Variants in TAF4B observed in about 807,000 individuals in gnomAD.
The protein encoded by TAF4B is transcription initiation factor TFIID subunit 4B.
Under a neutral mutation model 86.4 loss-of-function variants are expected in TAF4B, and 38 were observed. The observed-to-expected ratio is 0.44, with a 90% CI of 0.34 to 0.58. The LOEUF (loss-of-function observed/expected upper bound fraction) is 0.58, where lower values mean the gene tolerates loss of function less well. Ranked by LOEUF, TAF4B falls within the 20% of genes least tolerant of loss-of-function variation. The pLI is 0.02. For missense variants in TAF4B, 988 were observed against 1,027.6 expected, an observed-to-expected ratio of 0.96 and a Z score of 0.53; for synonymous variants, 388 against 391.2, an observed-to-expected ratio of 0.99 and a Z score of 0.10.
In TAF4B at chr18:26,365,002, C is replaced by CTTT. The variant is rs1236686001; in HGVS notation, c.2421+7228_2421+7230dup. ...TAAAGTGCTACTCTATAATTCTATTCTTTTTTTTTTTTTTTTTTTTTTGAG... is the reference window on the plus strand; with the variant it reads ...TAAAGTGCTACTCTATAATTCTATTCTTTTTTTTTTTTTTTTTTTTTTTTTGAG... On this transcript the variant is annotated intron_variant, in intron 14 of 14. Coordinates refer to ENST00000269142, the MANE Select transcript of TAF4B (RefSeq NM_005640.3). 2.4e-3 allele frequency among the ~76,000 whole-genome samples: 264 copies of CTTT among 109,156 alleles called. 1 individual carries two copies. Among genetic ancestry groups the CTTT allele is most frequent in the African/African-American group, 5.1e-3 (141 of 27,914 alleles). The allele number at this position is 109,156 out of a possible 152,430, so 71.6% of individuals were successfully genotyped here.
chr18:26,258,987 C>T lies in TAF4B; in HGVS notation c.344-6183C>T, dbSNP rs555057177. Among the ~76,000 whole-genome samples the T allele has an allele frequency of 2.0e-3, 311 of 152,036 alleles. 2 individuals carry two copies. Among genetic ancestry groups the T allele is most frequent in the African/African-American group, 7.3e-3 (303 of 41,476 alleles). ...GTGCTGGGATTACAAGTCACTGTGC[C>T]AGCCTGTTTTTAAATTTTAAATGTC... On this transcript the variant is annotated intron_variant, in intron 1 of 14. Transcript: ENST00000269142.
At chr18:26,314,497 A>AT (rs2056882530) in intron 9 of TAF4B, among the ~76,000 whole-genome samples, 1 of 152,172 alleles carries the variant, frequency 6.6e-6, no homozygotes, top group African/African-American at 2.4e-5. Flanking sequence ...GTATATGTAC[A>AT]TGAGTGTGTT....
intron 14 of TAF4B, among the ~76,000 whole-genome samples, chr18:26,384,682 A>G (rs1978314705): frequency 2.0e-5 from 3 of 152,242 alleles, no homozygotes; most frequent in Admixed American, 2.0e-4. Flanking sequence ...CTAGAATTAC[A>G]CTGTTTCCTG....
intron 5 of TAF4B, among the ~76,000 whole-genome samples, chr18:26,276,434 G>T (rs1016324926): frequency 2.0e-5 from 3 of 152,082 alleles, no homozygotes; most frequent in Non-Finnish European, 4.4e-5. Flanking sequence ...ATAATATACA[G>T]ATTTCTCTCA....
chr18:26,237,660 T>C (rs2055769511), intron 1 of TAF4B, among the ~76,000 whole-genome samples: 2 of 152,158 alleles, frequency 1.3e-5, no homozygotes, highest in Admixed American at 6.5e-5. Flanking sequence ...TTGTGAATTA[T>C]CCTTCAATGA....
At chr18:26,356,167 G>T (rs940863441) in intron 13 of TAF4B, among the ~76,000 whole-genome samples, 1 of 152,074 alleles carries the variant, frequency 6.6e-6, no homozygotes, top group Non-Finnish European at 1.5e-5. Flanking sequence ...GCCTACTTGC[G>T]CACTATGTTC....
Position 26,286,017 on chromosome 18 carries a change from A to G in TAF4B, c.1108A>G (p.Thr370Ala). 1 of 1,614,222 alleles carries G rather than the reference A, an allele frequency of 6.2e-7. No homozygotes were observed. The highest frequency in any genetic ancestry group is 1.7e-5 in the Admixed American group (1 of 60,026). ...TVTTSPVVTT[T>A]VSSSQSEKSI... ...AACAACTTCTCCTGTGGTGACAACT[A>G]CAGTGTCCTCAAGCCAGTCTGAAAA... Residue 370 changes from threonine (T) to alanine (A), a missense_variant, in exon 7 of 15, where the codon ACA (threonine) becomes GCA (alanine). Around this residue, in one of 3 missense-constraint regions of TAF4B, gnomAD observed 747 missense variants for 737.9 expected, o/e 1.01. Transcript: ENST00000269142.
chr18:26,250,878 G>A (rs973025235), intron 1 of TAF4B, among the ~76,000 whole-genome samples: 1 of 152,182 alleles, frequency 6.6e-6, no homozygotes, highest in African/African-American at 2.4e-5. Context: ...AATCAGCTGT[G>A]TAAATGGAGG....
At chr18:26,373,542 A>G (rs1402901079) in intron 14 of TAF4B, among the ~76,000 whole-genome samples, 2 of 152,342 alleles carry the variant, frequency 1.3e-5, no homozygotes, top group Admixed American at 1.3e-4. Flanking sequence ...ATCTAAAAAA[A>G]TGTTTTGCCA....
At chr18:26,339,167 G>A (rs1791744) in intron 13 of TAF4B, among the ~76,000 whole-genome samples, 53,454 of 151,856 alleles carry the variant, frequency 0.35, 11,606 homozygotes, top group East Asian at 0.81. Flanking sequence ...CATTATAAGC[G>A]TCCTCTCTCT....
intron 14 of TAF4B, among the ~76,000 whole-genome samples, chr18:26,389,095 A>G (rs574996273): frequency 9.6e-6 from 1 of 103,736 alleles, no homozygotes; most frequent in East Asian, 3.0e-4. Context: ...TACAGACGTG[A>G]GCTACTGTGC....
At chr18:26,386,088 G>A (rs1978349882) in intron 14 of TAF4B, among the ~76,000 whole-genome samples, 1 of 152,166 alleles carries the variant, frequency 6.6e-6, no homozygotes, top group Non-Finnish European at 1.5e-5. Flanking sequence ...ATAAAGTTGT[G>A]AATTATGAAA....
At chr18:26,272,362 GTCTCTAT>G (rs1391933182) in intron 3 of TAF4B, among the ~76,000 whole-genome samples, 5 of 152,148 alleles carry the variant, frequency 3.3e-5, no homozygotes, top group Admixed American at 6.5e-5. Flanking sequence ...TCCTCTGTGT[GTCTCTAT>G]TCCTGACAGG....
At chr18:26,253,305 C>G (rs2056033482) in intron 1 of TAF4B, among the ~76,000 whole-genome samples, 1 of 152,108 alleles carries the variant, frequency 6.6e-6, no homozygotes, top group African/African-American at 2.4e-5. Context: ...TGAATTTTGT[C>G]AAATGCTTGT....
intron 14 of TAF4B, among the ~76,000 whole-genome samples, chr18:26,381,930 C>A (rs1452032870): frequency 1.3e-5 from 2 of 149,908 alleles, no homozygotes; most frequent in Non-Finnish European, 3.0e-5. Flanking sequence ...TTTTATGTTT[C>A]CAATTTCTAA....
At chr18:26,308,801 G>A (rs2056823123) in intron 9 of TAF4B, among the ~76,000 whole-genome samples, 1 of 151,076 alleles carries the variant, frequency 6.6e-6, no homozygotes, top group Non-Finnish European at 1.5e-5. Context: ...GAACCTGGGA[G>A]GCGGAGGATG....
At chr18:26,256,070 G>C (rs2144512051) in intron 1 of TAF4B, 1 of 1,326,872 alleles carries the variant, frequency 7.5e-7, no homozygotes, top group Non-Finnish European at 1.1e-6. Flanking sequence ...CCCAGATAGA[G>C]TCACTTTCTT....
chr18:26,251,880 C>G (rs2056011473), intron 1 of TAF4B, among the ~76,000 whole-genome samples: 1 of 152,114 alleles, frequency 6.6e-6, no homozygotes, highest in Non-Finnish European at 1.5e-5. Flanking sequence ...TGAAGATGAG[C>G]TGGTTATTTT....
rs570817465 is a variant in TAF4B at position 26,324,572 on chromosome 18, C to T, written c.2134-2443C>T. 1.8e-4 allele frequency among the ~76,000 whole-genome samples: 28 copies of T among 152,276 alleles called. No homozygotes were observed. The South Asian group carries it at 1.9e-3, about 10-fold the overall frequency. On this transcript the variant is annotated intron_variant, in intron 11 of 14. Transcript: ENST00000269142. ...GAATTCTTTTGTTGTATATCAGTAG[C>T]GTATTTCCAAACATTTAGTTGCACT...
Sources: allele counts gnomAD v4.1 joint callset (sites outside exome capture counted in the v4.1 genomes callset), GRCh38; gene constraint gnomAD v4.1.1; regional missense constraint gnomAD v4.1.1; transcripts MANE v1.5; gene names NCBI Gene and HGNC (gene_info 2026-07-23, HGNC 2026-07-21).